Variants in TMEM65 observed in about 807,000 individuals in gnomAD.
TMEM65 encodes transmembrane protein 65.
Under a neutral mutation model 25.4 loss-of-function variants are expected in TMEM65, and 22 were observed. That is an observed-to-expected ratio of 0.86 (90% CI 0.62 to 1.23). The LOEUF (loss-of-function observed/expected upper bound fraction) is 1.23. Among genes scored for constraint, TMEM65 ranks in the 50% most tolerant of loss-of-function variants. TMEM65 has a pLI of 0.00. For missense variants in TMEM65, 262 were observed against 308.2 expected, an observed-to-expected ratio of 0.85 and a Z score of 1.12; for synonymous variants, 132 against 126.2, an observed-to-expected ratio of 1.05 and a Z score of -0.31.
chr8:124,326,152 G>GCA (rs1814363391), intron 3 of TMEM65, among the ~76,000 whole-genome samples: 1 of 152,024 alleles, frequency 6.6e-6, no homozygotes, highest in African/African-American at 2.4e-5. Context: ...TAGTTGTGAA[G>GCA]CACTTCGATT....
intron 1 of TMEM65, among the ~76,000 whole-genome samples, chr8:124,339,249 A>ATATATATATAT: frequency 8.4e-6 from 1 of 119,600 alleles, no homozygotes. Context: ...ATATATATAT[A>ATATATATATAT]AAATATTCTT....
At chr8:124,320,031 C>T (rs1814285036) in intron 6 of TMEM65, 55 bp downstream of exon 6, 1 of 1,436,116 alleles carries the variant, frequency 7.0e-7, no homozygotes, top group South Asian at 1.2e-5. Flanking sequence ...CTGAACTATA[C>T]AGAATCTTGC....
chr8:124,358,241 A>G (rs1814810573), intron 1 of TMEM65, among the ~76,000 whole-genome samples: 1 of 152,238 alleles, frequency 6.6e-6, no homozygotes, highest in South Asian at 2.1e-4. Context: ...TCCCTCCAAG[A>G]GAAGTAAACA....
Position 124,307,337 on chromosome 8 carries a change from C to T in TMEM65, c.*6623G>A, listed in dbSNP as rs1814102852. On this transcript the variant is annotated 3_prime_UTR_variant, in exon 7 of 7. Coordinates refer to ENST00000297632, the MANE Select transcript of TMEM65 (RefSeq NM_194291.3). ...CCCGCTAGTGACGCTGGAAGTGCTC[C>T]CAAGGAGCAAAGTCATGACATTACA... is the stretch of plus-strand genomic sequence containing the variant. 2.0e-5 allele frequency: 3 copies of T among 152,064 alleles called. No individual in the cohort carries two copies. Among genetic ancestry groups the T allele is most frequent in the African/African-American group, 4.8e-5 (2 of 41,396 alleles). The allele number at this position is 152,064 out of a possible 1,614,324, so 9.4% of individuals were successfully genotyped here.
Position 124,307,698 on chromosome 8 carries a change from G to T in TMEM65, c.*6262C>A, listed in dbSNP as rs1425384600. On this transcript the variant is annotated 3_prime_UTR_variant, in exon 7 of 7. Coordinates refer to ENST00000297632, the MANE Select transcript of TMEM65 (RefSeq NM_194291.3). ...GAGAATTTAATGCCAGCAAAGGATG[G>T]CTTGATAATATTAGAAAGAAGTTTG... 2 of 152,064 alleles carry T rather than the reference G, an allele frequency of 1.3e-5. No homozygotes were observed. Among genetic ancestry groups the T allele is most frequent in the Non-Finnish European group, 2.9e-5 (2 of 68,012 alleles). The allele number at this position is 152,064 out of a possible 1,614,324, so 9.4% of individuals were successfully genotyped here.
intron 1 of TMEM65, among the ~76,000 whole-genome samples, chr8:124,365,634 T>C (rs1331043689): frequency 6.6e-6 from 1 of 151,808 alleles, no homozygotes; most frequent in African/African-American, 2.4e-5. Context: ...GAGAGTGAGA[T>C]TATCCTGGAT....
intron 5 of TMEM65, among the ~76,000 whole-genome samples, chr8:124,321,369 G>A (rs1814301295): frequency 6.6e-6 from 1 of 152,116 alleles, no homozygotes; most frequent in Non-Finnish European, 1.5e-5. Context: ...GAGCAAGACA[G>A]AGCATATTTA....
intron 1 of TMEM65, among the ~76,000 whole-genome samples, chr8:124,368,378 C>A (rs1394120440): frequency 1.3e-5 from 2 of 149,986 alleles, no homozygotes; most frequent in Admixed American, 1.3e-4. Flanking sequence ...AATTACACCA[C>A]CTTAAATAAG....
chr8:124,366,985 G>A (rs138535556), intron 1 of TMEM65, among the ~76,000 whole-genome samples: 28 of 152,216 alleles, frequency 1.8e-4, no homozygotes, highest in African/African-American at 6.7e-4. Flanking sequence ...TCTTATCCAC[G>A]TCCTTGTTCT....
rs570463042 is a variant in TMEM65, at chr8:124,309,487, G to A, written c.*4473C>T. The A allele has an allele frequency of 1.3e-5, 2 of 152,316 alleles. No homozygotes were observed. Among genetic ancestry groups the A allele is most frequent in the African/African-American group, 4.8e-5 (2 of 41,558 alleles). The allele number at this position is 152,316 out of a possible 1,614,324, so 9.4% of individuals were successfully genotyped here. On this transcript the variant is annotated 3_prime_UTR_variant, in exon 7 of 7. Transcript: ENST00000297632. ...ACTGTTACTCTTTAGGCTTAATGCA[G>A]TTATTAGTAATATGAAACAAAAAGA...
At chr8:124,315,043 A>G (rs543325067) in intron 6 of TMEM65, among the ~76,000 whole-genome samples, 161 of 152,248 alleles carry the variant, frequency 1.1e-3, no homozygotes, top group Non-Finnish European at 2.0e-3. Context: ...GATGACTATC[A>G]AGTTTATATA....
intron 6 of TMEM65, among the ~76,000 whole-genome samples, chr8:124,317,475 G>A (rs1278634831): frequency 2.0e-5 from 3 of 152,140 alleles, no homozygotes; most frequent in African/African-American, 7.2e-5. Flanking sequence ...TGAGCTCTTA[G>A]GTATTTTCTA....
chr8:124,372,141 G>A lies in TMEM65; in HGVS notation c.17C>T (p.Pro6Leu). The change falls in exon 1 of 7, where the codon CCG (proline) becomes CTG (leucine). Residue 6 changes from proline to leucine, a missense_variant. Transcript: ENST00000297632. MSRLLPLLRSRTARSL... is the reference protein window; with the variant it reads MSRLLLLLRSRTARSL... ...GCGCGCGGTCCGGCTCCTCAGCAGC[G>A]GCAGCAGCCGGGACATGGCGAGCTG... 7 of 1,210,426 alleles carry A rather than the reference G, an allele frequency of 5.8e-6. No homozygotes were observed. Among genetic ancestry groups the A allele is most frequent in the Non-Finnish European group, 7.2e-6 (7 of 967,558 alleles). 75.0% of individuals were successfully genotyped at this position (1,210,426 alleles called of 1,614,324 possible).
Position 124,307,680 on chromosome 8 carries a change from T to G in TMEM65, c.*6280A>C, listed in dbSNP as rs1814109620. 1 of 152,148 alleles carries G rather than the reference T, an allele frequency of 6.6e-6. No homozygotes were observed. Among genetic ancestry groups the G allele is most frequent in the African/African-American group, 2.4e-5 (1 of 41,416 alleles). The allele number at this position is 152,148 out of a possible 1,614,324, so 9.4% of individuals were successfully genotyped here. ...GTGAAGGATCTAAATCTAGAGAATT[T>G]AATGCCAGCAAAGGATGGCTTGATA... On this transcript the variant is annotated 3_prime_UTR_variant, in exon 7 of 7. Coordinates refer to ENST00000297632, the MANE Select transcript of TMEM65 (RefSeq NM_194291.3).
At chr8:124,349,603 G>C (rs1229378265) in intron 1 of TMEM65, among the ~76,000 whole-genome samples, 2 of 152,152 alleles carry the variant, frequency 1.3e-5, no homozygotes, top group African/African-American at 2.4e-5. Flanking sequence ...TACCTACTCT[G>C]ATATATAATT....
chr8:124,314,575 A>G (rs1392662770), intron 6 of TMEM65, among the ~76,000 whole-genome samples: 1 of 152,238 alleles, frequency 6.6e-6, no homozygotes, highest in Non-Finnish European at 1.5e-5. Flanking sequence ...ATGTAGACAC[A>G]CATACCAATT....
intron 1 of TMEM65, among the ~76,000 whole-genome samples, chr8:124,344,589 T>C (rs979326550): frequency 1.1e-4 from 17 of 152,200 alleles, no homozygotes; most frequent in African/African-American, 4.1e-4. Context: ...TGCATAAATA[T>C]ATCTGGTATG....
chr8:124,321,687 G>C (rs1007027603), intron 5 of TMEM65, among the ~76,000 whole-genome samples: 1 of 152,100 alleles, frequency 6.6e-6, no homozygotes, highest in Non-Finnish European at 1.5e-5. Flanking sequence ...TGGGAGTAGG[G>C]TGAGGTGGAA....
At chr8:124,332,907 G>A (rs1363593368) in intron 1 of TMEM65, among the ~76,000 whole-genome samples, 1 of 152,034 alleles carries the variant, frequency 6.6e-6, no homozygotes, top group Non-Finnish European at 1.5e-5. Context: ...CCAGATTTAA[G>A]CGATTCTCCT....
Sources: gnomAD v4.1 joint callset for allele counts (sites outside exome capture counted in the v4.1 genomes callset) on GRCh38, gnomAD v4.1.1 for gene constraint, MANE v1.5 for transcripts, NCBI Gene and HGNC (gene_info 2026-07-23, HGNC 2026-07-21) for gene names.